The following APBB2 variants were observed in gnomAD, a reference collection of about 807,000 sequenced individuals.
APBB2 encodes Fe65-like 1.
In APBB2, 38 loss-of-function variants were observed where a neutral mutation model predicts 82.5. The ratio of observed to expected loss-of-function variants is 0.46; its 90% CI spans 0.36 to 0.60. The LOEUF (loss-of-function observed/expected upper bound fraction) is 0.60. APBB2 is among the 20% of genes least tolerant of loss of function. APBB2 has a pLI of 0.00. For synonymous variants in APBB2, 341 were observed against 368.2 expected (o/e 0.93, Z 0.85); for missense variants, 772 against 972.3 (o/e 0.79, Z 2.74).
Position 40,826,444 on chromosome 4 carries a change from C to T in APBB2, c.1733-474G>A, listed in dbSNP as rs1321978891. 4.6e-5 allele frequency among the ~76,000 whole-genome samples: 7 copies of T among 151,668 alleles called. No homozygotes were observed. The highest frequency in any genetic ancestry group is 2.1e-4 in the South Asian group (1 of 4,804). ...GGAGTGCAGTGGTGCGATCTTGGCT[C>T]GCTGCAACCTCCATCTCCTGGGTTC... is the stretch of plus-strand genomic sequence containing the variant. On this transcript the variant is annotated intron_variant, in intron 14 of 17. Transcript: ENST00000508593. The surrounding 1 kb of genome is among the most constrained non-coding windows in gnomAD (Gnocchi z 4.5).
intron 1 of APBB2, among the ~76,000 whole-genome samples, chr4:41,183,941 C>G (rs1425705366): frequency 6.6e-6 from 1 of 151,856 alleles, no homozygotes; most frequent in Non-Finnish European, 1.5e-5. Context: ...AATTATACAA[C>G]TCATCACAAT....
chr4:40,949,182 T>A (rs182295188), intron 6 of APBB2, among the ~76,000 whole-genome samples: 1 of 151,940 alleles, frequency 6.6e-6, no homozygotes, highest in African/African-American at 2.4e-5. Context: ...AGGCACAGAA[T>A]TGCTTGAACC....
At chr4:40,816,361 T>A in intron 17 of APBB2, 102 bp from the exon 18 acceptor site, 1 of 1,213,832 alleles carries the variant, frequency 8.2e-7, no homozygotes, top group Non-Finnish European at 1.2e-6. Context: ...TCCCAAAGGT[T>A]AACGACCTAG....
rs1174734805 is a variant in APBB2 at position 41,107,573 on chromosome 4, A to G, written c.-260-6823T>C. On this transcript the variant is annotated intron_variant, in intron 2 of 17. Coordinates refer to ENST00000508593, the MANE Select transcript of APBB2 (RefSeq NM_004307.2). ...CAGAACACTCACACACAGTCTCAGA[A>G]TATCACCCCACAGATTACCTAAGAG... Among the ~76,000 whole-genome samples, 2 of 152,218 alleles carry G rather than the reference A, an allele frequency of 1.3e-5. 1 individual carries two copies. Among genetic ancestry groups the G allele is most frequent in the South Asian group, 4.1e-4 (2 of 4,834 alleles).
chr4:40,974,056 G>T (rs975189119), intron 6 of APBB2, among the ~76,000 whole-genome samples: 1 of 151,884 alleles, frequency 6.6e-6, no homozygotes, highest in African/African-American at 2.4e-5. Context: ...GTTTCATTAC[G>T]GTGGTCAGGC....
chr4:40,997,195 CG>C (rs1449274906), intron 6 of APBB2, among the ~76,000 whole-genome samples: 1 of 152,096 alleles, frequency 6.6e-6, no homozygotes, highest in Non-Finnish European at 1.5e-5. Context: ...TTTAGTGTGT[CG>C]GGGAGATGCA....
chr4:41,171,545 G>T (rs992142116), intron 1 of APBB2, among the ~76,000 whole-genome samples: 1 of 152,218 alleles, frequency 6.6e-6, no homozygotes, highest in African/African-American at 2.4e-5. Flanking sequence ...CTCAGCAAAG[G>T]TCTAGTGACT....
At chr4:41,072,001 G>A (rs547756437) in intron 3 of APBB2, among the ~76,000 whole-genome samples, 18 of 143,070 alleles carry the variant, frequency 1.3e-4, no homozygotes, top group African/African-American at 5.1e-4. Context: ...ACCACAAAGA[G>A]AGCTGGATGG....
At chr4:40,901,808 C>A (rs1356616773) in intron 10 of APBB2, among the ~76,000 whole-genome samples, 2 of 152,128 alleles carry the variant, frequency 1.3e-5, no homozygotes, top group Admixed American at 6.5e-5. Context: ...AGCCACCGCG[C>A]TCGGCCACAC....
chr4:40,881,981 C>T (rs1768751108), intron 12 of APBB2, among the ~76,000 whole-genome samples: 1 of 152,178 alleles, frequency 6.6e-6, no homozygotes, highest in Non-Finnish European at 1.5e-5. Context: ...GCCACACTGG[C>T]TTGCTCAGAA....
chr4:41,003,171 T>C (rs1256438656), intron 6 of APBB2, among the ~76,000 whole-genome samples: 2 of 152,228 alleles, frequency 1.3e-5, no homozygotes, highest in Non-Finnish European at 2.9e-5. Context: ...CAATCTCAGT[T>C]GAGGTTGTAG....
intron 10 of APBB2, among the ~76,000 whole-genome samples, chr4:40,923,825 G>A (rs1177456228): frequency 1.3e-5 from 2 of 152,194 alleles, no homozygotes; most frequent in African/African-American, 4.8e-5. Context: ...CCAATTCCTC[G>A]ACCGCTCATT....
At chr4:40,942,091 T>C (rs1046519938) in intron 7 of APBB2, among the ~76,000 whole-genome samples, 105 of 152,340 alleles carry the variant, frequency 6.9e-4, no homozygotes, top group African/African-American at 2.4e-3. Flanking sequence ...CCTATTCCTC[T>C]TCTATCTGCT....
At chr4:40,944,164 T>G (rs7680971) in intron 7 of APBB2, among the ~76,000 whole-genome samples, 58,109 of 152,166 alleles carry the variant, frequency 0.38, 11,723 homozygotes, top group Non-Finnish European at 0.46. Flanking sequence ...ATTACTTAAT[T>G]GTGACCTTCT....
chr4:40,940,641 C>A (rs926651022), intron 7 of APBB2, among the ~76,000 whole-genome samples: 21 of 152,166 alleles, frequency 1.4e-4, no homozygotes, highest in African/African-American at 4.6e-4. Flanking sequence ...TCATGACGCC[C>A]GTGAGGCTGT....
At position 41,122,918 on chromosome 4, in the gene APBB2, G is replaced by C. The variant is rs538754645; in HGVS notation, c.-261+20069C>G. Among the ~76,000 whole-genome samples the C allele has an allele frequency of 3.3e-5, 5 of 152,242 alleles. No individual in the cohort carries two copies. In the South Asian group the frequency reaches 1.0e-3, roughly 32 times the overall value. ...GTCCTCACCTCTGCCCTGGCCTCCA[G>C]AACAGCATTCCCATTCTTCAAACAC... is the stretch of plus-strand genomic sequence containing the variant. On this transcript the variant is annotated intron_variant, in intron 2 of 17. Coordinates refer to ENST00000508593, the MANE Select transcript of APBB2 (RefSeq NM_004307.2).
At chr4:41,174,837 T>G (rs1047606117) in intron 1 of APBB2, among the ~76,000 whole-genome samples, 1 of 152,200 alleles carries the variant, frequency 6.6e-6, no homozygotes, top group African/African-American at 2.4e-5. Flanking sequence ...TTCATTTAAA[T>G]TTAAACATAA....
At chr4:41,157,214 G>A (rs1389206057) in intron 1 of APBB2, among the ~76,000 whole-genome samples, 7 of 152,054 alleles carry the variant, frequency 4.6e-5, no homozygotes, top group Non-Finnish European at 1.0e-4. Flanking sequence ...GCATTTCCCC[G>A]AGGGCTCCAG....
intron 4 of APBB2, among the ~76,000 whole-genome samples, chr4:41,045,276 G>T (rs1050711694): frequency 6.6e-6 from 1 of 151,132 alleles, no homozygotes; most frequent in South Asian, 2.1e-4. Context: ...AGAATATTAT[G>T]ATTTTAATCA....
Sources: allele counts gnomAD v4.1 joint callset (sites outside exome capture counted in the v4.1 genomes callset), GRCh38; gene constraint gnomAD v4.1.1; non-coding constraint Gnocchi (gnomAD v3.1); transcripts MANE v1.5; gene names NCBI Gene and HGNC (gene_info 2026-07-23, HGNC 2026-07-21).